The following OMA1 variants were observed in gnomAD, a reference collection of about 807,000 sequenced individuals.
OMA1 encodes OMA1 zinc metallopeptidase.
In OMA1, 38 loss-of-function variants were observed where a neutral mutation model predicts 30.9. The observed-to-expected ratio is 1.23, with a 90% confidence interval of 0.95 to 1.61. OMA1 has a LOEUF of 1.61. OMA1 is among the 40% of genes most tolerant of loss of function. The pLI is 0.00. For missense variants in OMA1, 461 were observed against 349.2 expected (o/e 1.32, Z -2.55); for synonymous variants, 173 against 121.9 (o/e 1.42, Z -2.76).
intron 8 of OMA1, among the ~76,000 whole-genome samples, chr1:58,495,098 G>C (rs1368068903): frequency 6.6e-6 from 1 of 152,114 alleles, no homozygotes; most frequent in Non-Finnish European, 1.5e-5. Flanking sequence ...CATAAAAAAG[G>C]ATGAGTTCAT....
chr1:58,536,574 C>A lies in OMA1; in HGVS notation c.668G>T (p.Ser223Ile), dbSNP rs762392599. The change falls in exon 3 of 9, where the codon AGC (serine) becomes ATC (isoleucine). Residue 223 changes from serine (S) to isoleucine (I), a missense_variant. By Grantham distance (142) the Ser-to-Ile change is moderately radical. Transcript: ENST00000371226. ...HLEVSPITGR[S>I]KLLLLGKEQF... ...TTCTTTCCCCAATAATAGTAGCTTG[C>A]TCCTTCCTGTGATTGGACTTACTTC... is the stretch of plus-strand genomic sequence containing the variant. 20 of 872,742 alleles carry A rather than the reference C, an allele frequency of 2.3e-5. No individual in the cohort carries two copies. Among genetic ancestry groups the A allele is most frequent in the Non-Finnish European group, 3.8e-5 (19 of 501,644 alleles). 54.1% of individuals were successfully genotyped at this position (872,742 alleles called of 1,614,324 possible).
intron 7 of OMA1, among the ~76,000 whole-genome samples, chr1:58,525,790 G>A (rs1460907764): frequency 6.6e-6 from 1 of 152,058 alleles, no homozygotes. Context: ...AACACTGGAG[G>A]ACAGAAGCTT....
At chr1:58,543,392 C>T (rs1245551148) in intron 1 of OMA1, among the ~76,000 whole-genome samples, 2 of 152,194 alleles carry the variant, frequency 1.3e-5, no homozygotes, top group Non-Finnish European at 2.9e-5. Flanking sequence ...ATTATCTCTA[C>T]AGCAACTTTA....
chr1:58,487,990 T>C (rs1645606174), intron 8 of OMA1, among the ~76,000 whole-genome samples: 1 of 152,204 alleles, frequency 6.6e-6, no homozygotes, highest in African/African-American at 2.4e-5. Context: ...AAGAATCAAC[T>C]ACTGTCATTT....
chr1:58,535,539 T>C (rs1360436766), intron 3 of OMA1, among the ~76,000 whole-genome samples: 4 of 142,592 alleles, frequency 2.8e-5, no homozygotes, highest in Non-Finnish European at 4.5e-5. Context: ...GAGGTTGCAG[T>C]GAGCCAAGAT....
intron 3 of OMA1, among the ~76,000 whole-genome samples, chr1:58,536,139 C>T (rs1646513413): frequency 6.6e-6 from 1 of 151,954 alleles, no homozygotes; most frequent in African/African-American, 2.4e-5. Context: ...GAGACCTAAC[C>T]CCAGTAAAGC....
At chr1:58,488,505 G>A (rs1489020384) in intron 8 of OMA1, among the ~76,000 whole-genome samples, 2 of 152,138 alleles carry the variant, frequency 1.3e-5, no homozygotes, top group Non-Finnish European at 2.9e-5. Flanking sequence ...ACACTGGAGT[G>A]CAATGGCGCG....
intron 1 of OMA1, among the ~76,000 whole-genome samples, chr1:58,545,670 T>C (rs1646691234): frequency 6.6e-6 from 1 of 152,174 alleles, no homozygotes; most frequent in African/African-American, 2.4e-5. Flanking sequence ...ATTCTTTAAG[T>C]ACCATCTCCG....
intron 7 of OMA1, among the ~76,000 whole-genome samples, chr1:58,521,368 T>C (rs1236372439): frequency 6.6e-6 from 1 of 151,102 alleles, no homozygotes. Flanking sequence ...GTAGTATTCA[T>C]CTTAAGTTAG....
rs1004714719 is a variant in OMA1 at position 58,480,749 on chromosome 1, C to A, written c.*216G>T. On this transcript the variant is annotated 3_prime_UTR_variant, in exon 9 of 9. Coordinates refer to ENST00000371226, the MANE Select transcript of OMA1 (RefSeq NM_145243.5). Reference sequence around the variant, plus strand: ...TGTGTAATATAAATTTATTCTGTGACATTTTCCTCATTGAAGATATTTTAA... The same window carrying A: ...TGTGTAATATAAATTTATTCTGTGAAATTTTCCTCATTGAAGATATTTTAA... The A allele has an allele frequency of 1.8e-5, 7 of 385,496 alleles. No individual in the cohort carries two copies. The highest frequency in any genetic ancestry group is 1.5e-4 in the African/African-American group (7 of 47,740). The allele number at this position is 385,496 out of a possible 1,614,324, so 23.9% of individuals were successfully genotyped here.
intron 7 of OMA1, among the ~76,000 whole-genome samples, chr1:58,524,765 T>C (rs931322113): frequency 6.6e-6 from 1 of 152,204 alleles, no homozygotes; most frequent in African/African-American, 2.4e-5. Flanking sequence ...CCAGTATCAC[T>C]AGCAGCAACT....
rs145156428 is a variant in OMA1 at position 58,515,322 on chromosome 1, A to C, written c.1216-9113T>G. On this transcript the variant is annotated intron_variant, in intron 7 of 8. Transcript: ENST00000371226. The stretch of plus-strand genomic sequence containing the variant: ...AAAATACTTCATGTGCTCCAACATA[A>C]AAATGAAAGACATATGTTGGTCATT... Among the ~76,000 whole-genome samples, 535 of 152,360 alleles carry C rather than the reference A, an allele frequency of 3.5e-3. 5 individuals are homozygous for C. The highest frequency in any genetic ancestry group is 0.012 in the African/African-American group (514 of 41,586).
intron 7 of OMA1, among the ~76,000 whole-genome samples, chr1:58,508,525 C>A (rs759890061): frequency 2.0e-5 from 3 of 152,158 alleles, no homozygotes; most frequent in Non-Finnish European, 4.4e-5. Flanking sequence ...CCATAATCTG[C>A]GAGAGCAATT....
intron 2 of OMA1, among the ~76,000 whole-genome samples, chr1:58,538,551 C>T (rs901158332): frequency 1.4e-4 from 22 of 151,778 alleles, no homozygotes; most frequent in Non-Finnish European, 5.9e-5. Flanking sequence ...TATTTCTATA[C>T]CATAAATTAG....
At chr1:58,543,824 C>T (rs1265776408) in intron 1 of OMA1, among the ~76,000 whole-genome samples, 1 of 152,192 alleles carries the variant, frequency 6.6e-6, no homozygotes, top group Non-Finnish European at 1.5e-5. Context: ...AAAGAAGCAC[C>T]ATACAACAGA....
intron 8 of OMA1, among the ~76,000 whole-genome samples, chr1:58,500,927 CT>C (rs1287090064): frequency 6.6e-6 from 1 of 152,166 alleles, no homozygotes; most frequent in Admixed American, 6.5e-5. Flanking sequence ...TAAGGTGTCT[CT>C]TTCAACGACA....
intron 7 of OMA1, among the ~76,000 whole-genome samples, chr1:58,518,266 G>A (rs1200358291): frequency 7.3e-5 from 1 of 13,670 alleles, no homozygotes; most frequent in African/African-American, 3.9e-4. Context: ...GAGGGGAGAG[G>A]AGAGAGGAGA....
chr1:58,480,760 T>C lies in OMA1; in HGVS notation c.*205A>G, dbSNP rs115572328. The C allele has an allele frequency of 5.1e-3, 2,088 of 411,248 alleles. 36 individuals are homozygous for C. Among genetic ancestry groups the C allele is most frequent in the African/African-American group, 0.039 (1,879 of 48,562 alleles). 25.5% of individuals were successfully genotyped at this position (411,248 alleles called of 1,614,324 possible). On this transcript the variant is annotated 3_prime_UTR_variant, in exon 9 of 9. Coordinates refer to ENST00000371226, the MANE Select transcript of OMA1 (RefSeq NM_145243.5). ...AATTTATTCTGTGACATTTTCCTCA[T>C]TGAAGATATTTTAACATAGATTAAA...
chr1:58,545,581 T>G (rs1304935714), intron 1 of OMA1, among the ~76,000 whole-genome samples: 1 of 152,174 alleles, frequency 6.6e-6, no homozygotes, highest in African/African-American at 2.4e-5. Flanking sequence ...GCTGGCAGAC[T>G]TCTAGGATAA....
Sources: allele counts gnomAD v4.1 joint callset (sites outside exome capture counted in the v4.1 genomes callset), GRCh38; gene constraint gnomAD v4.1.1; transcripts MANE v1.5; gene names NCBI Gene and HGNC (gene_info 2026-07-23, HGNC 2026-07-21).